Variants in PRRC2A observed in about 807,000 individuals in gnomAD.
PRRC2A encodes the protein protein PRRC2A.
In PRRC2A, 59 loss-of-function variants were observed where a neutral mutation model predicts 224.6. The ratio of observed to expected loss-of-function variants is 0.26; its 90% CI spans 0.21 to 0.33. The LOEUF (loss-of-function observed/expected upper bound fraction) is 0.33, where lower values mean the gene tolerates loss of function less well. Among genes scored for constraint, PRRC2A ranks in the 10% least tolerant of loss-of-function variants. The pLI is 1.00. For missense variants in PRRC2A, 3,095 were observed against 2,880.7 expected, an observed-to-expected ratio of 1.07 and a Z score of -1.70; for synonymous variants, 1,194 against 1,109.5, an observed-to-expected ratio of 1.08 and a Z score of -1.51.
In PRRC2A at chr6:31,627,874, C is replaced by T. The variant is rs775912318; in HGVS notation, c.1400C>T (p.Ala467Val). 1 of 1,613,070 alleles carries T rather than the reference C, an allele frequency of 6.2e-7. No homozygotes were observed. The highest frequency in any genetic ancestry group is 8.5e-7 in the Non-Finnish European group (1 of 1,180,032). The change falls in exon 12 of 31, where the codon GCC becomes GTC. Residue 467 changes from alanine to valine, a missense_variant. Ala to Val is a moderately conservative substitution (Grantham distance 64). Around this residue, in one of 8 missense-constraint regions of PRRC2A, gnomAD observed 2,001 missense variants for 1,764.9 expected, o/e 1.13. Transcript: ENST00000376033. The surrounding 1 kb of genome is among the most constrained non-coding windows in gnomAD (Gnocchi z 5.6). ...GAGATTTCCCTGGCAGTGGAGCGGGCCCGGCGACGGCGAGAAGAAGAGGAG... is the reference window on the plus strand; with the variant it reads ...GAGATTTCCCTGGCAGTGGAGCGGGTCCGGCGACGGCGAGAAGAAGAGGAG... ...SSEISLAVER[A>V]RRRREEEERR... is the part of the protein sequence containing the mutation.
In PRRC2A at chr6:31,636,537, G is replaced by A; in HGVS notation, c.5863G>A (p.Asp1955Asn). Residue 1955 changes from aspartate to asparagine, a missense_variant, in exon 27 of 31, where the codon GAT (aspartate) becomes AAT (asparagine). Around this residue, in one of 8 missense-constraint regions of PRRC2A, gnomAD observed 662 missense variants for 609.5 expected, o/e 1.09. Coordinates refer to ENST00000376033, the MANE Select transcript of PRRC2A (RefSeq NM_004638.4). This position sits in a 1 kb window ranked among gnomAD's most constrained non-coding sequence, Gnocchi z 4.3. Reference sequence around the variant, plus strand: ...ACGCCAGGATCTGCCATCCCCTTCGGATTTTTATTCTACTCCTCTGCAGCC... The same window carrying A: ...ACGCCAGGATCTGCCATCCCCTTCGAATTTTTATTCTACTCCTCTGCAGCC... ...QVRQDLPSPS[D>N]FYSTPLQPGG... 1 of 1,609,212 alleles carries A rather than the reference G, an allele frequency of 6.2e-7. No homozygotes were observed. Among genetic ancestry groups the A allele is most frequent in the Non-Finnish European group, 8.5e-7 (1 of 1,178,274 alleles).
In PRRC2A at chr6:31,636,231, C is replaced by T. The variant is rs1379067857; in HGVS notation, c.5647C>T (p.Pro1883Ser). 1 of 1,612,864 alleles carries T rather than the reference C, an allele frequency of 6.2e-7. No individual in the cohort carries two copies. Among genetic ancestry groups the T allele is most frequent in the Admixed American group, 1.7e-5 (1 of 60,018 alleles). The change falls in exon 26 of 31, where the codon CCC (proline) becomes TCC (serine). Residue 1883 changes from proline to serine, a missense_variant. Pro to Ser is a moderately conservative substitution (Grantham distance 74). Around this residue, in one of 8 missense-constraint regions of PRRC2A, gnomAD observed 662 missense variants for 609.5 expected, o/e 1.09. Transcript: ENST00000376033. This position sits in a 1 kb window ranked among gnomAD's most constrained non-coding sequence, Gnocchi z 4.3. ...PYRSQPLYLP[P>S]GPAPPSALLS... Reference sequence around the variant, plus strand: ...CAGATCACAGCCCCTATACCTACCCCCCGGCCCAGCCCCTCCCTCAGCACT... The same window carrying T: ...CAGATCACAGCCCCTATACCTACCCTCCGGCCCAGCCCCTCCCTCAGCACT...
At chr6:31,626,413 T>C (rs927400714) in intron 9 of PRRC2A, among the ~76,000 whole-genome samples, 1 of 151,590 alleles carries the variant, frequency 6.6e-6, no homozygotes, top group African/African-American at 2.4e-5. Context: ...AATTTTTTAG[T>C]TGGGTGTGGA....
intron 24 of PRRC2A, 57 bp downstream of exon 24, chr6:31,635,806 T>A (rs997904274): frequency 3.3e-6 from 5 of 1,520,820 alleles, no homozygotes; most frequent in African/African-American, 2.8e-5. Flanking sequence ...TTTTTCTGCC[T>A]GGTATGTATT....
At position 31,636,427 on chromosome 6, in the gene PRRC2A, G is replaced by T. The variant is rs771204196; in HGVS notation, c.5835+8G>T. ...GACACATCGTTGCTTCAGGTAAGAG[G>T]GGGGCAGGTATTAGATATTGGGGGA... On this transcript the variant is annotated splice_region_variant and intron_variant, in intron 26 of 30. Transcript: ENST00000376033. This position sits in a 1 kb window ranked among gnomAD's most constrained non-coding sequence, Gnocchi z 4.3. 8.7e-6 allele frequency: 14 copies of T among 1,612,736 alleles called. No homozygotes were observed. Among genetic ancestry groups the T allele is most frequent in the East Asian group, 2.2e-5 (1 of 44,894 alleles).
chr6:31,632,205 C>T lies in PRRC2A; in HGVS notation c.3532C>T (p.Pro1178Ser). Residue 1178 changes from proline (P) to serine (S), a missense_variant, in exon 16 of 31, where the codon CCT (proline) becomes TCT (serine). Around this residue, in one of 8 missense-constraint regions of PRRC2A, gnomAD observed 2,001 missense variants for 1,764.9 expected, o/e 1.13. Transcript: ENST00000376033. ...SRRGRGGGRP[P>S]PQVCPGWSPP... ...CCGGGGCCGAGGAGGAGGGAGGCCCCCTCCTCAAGTTTGCCCAGGCTGGAG... is the reference window on the plus strand; with the variant it reads ...CCGGGGCCGAGGAGGAGGGAGGCCCTCTCCTCAAGTTTGCCCAGGCTGGAG... 1 of 1,602,114 alleles carries T rather than the reference C, an allele frequency of 6.2e-7. No homozygotes were observed. The highest frequency in any genetic ancestry group is 8.5e-7 in the Non-Finnish European group (1 of 1,173,608).
intron 21 of PRRC2A, 48 bp from the exon 22 acceptor site, chr6:31,635,084 G>T (rs1777163559): frequency 6.2e-7 from 1 of 1,602,816 alleles, no homozygotes; most frequent in South Asian, 1.1e-5. Context: ...TTCCAATTTG[G>T]ATTTCCCTTT....
At chr6:31,626,650 G>T in intron 9 of PRRC2A, 122 bp from the exon 10 acceptor site, 2 of 853,244 alleles carry the variant, frequency 2.3e-6, no homozygotes, top group South Asian at 1.7e-5. Context: ...TTCATTGGTG[G>T]ATCTAGACTT....
rs746087958 is a variant in PRRC2A, at chr6:31,633,011, A to G, written c.4319+19A>G. 1.3e-6 allele frequency: 2 copies of G among 1,504,728 alleles called. No individual in the cohort carries two copies. Among genetic ancestry groups the G allele is most frequent in the Non-Finnish European group, 1.8e-6 (2 of 1,129,052 alleles). 93.2% of individuals were successfully genotyped at this position (1,504,728 alleles called of 1,614,324 possible). On this transcript the variant is annotated intron_variant, in intron 16 of 30. Transcript: ENST00000376033. ...ACCGAAGGTGGGTAGGAACAAACAA[A>G]TTTATTGTGGTTTAAAAATTGGAGG...
chr6:31,631,989 T>C lies in PRRC2A; in HGVS notation c.3316T>C (p.Ser1106Pro). The C allele has an allele frequency of 6.2e-7, 1 of 1,612,118 alleles. No homozygotes were observed. ...CCCCAAGCGGCGCCGGCAGCGGGGC[T>C]CAGAAACAGGCAGCGAGACCCATGA... ...EIPKRRRQRG[S>P]ETGSETHESD... The change falls in exon 16 of 31, where the codon TCA (serine) becomes CCA (proline). Residue 1106 changes from serine (S) to proline (P), a missense_variant. By Grantham distance (74) the Ser-to-Pro change is moderately conservative (BLOSUM62 -1). Coordinates refer to ENST00000376033, the MANE Select transcript of PRRC2A (RefSeq NM_004638.4). The surrounding 1 kb of genome is among the most constrained non-coding windows in gnomAD (Gnocchi z 4.5).
rs1355778845 is a variant in PRRC2A, at chr6:31,629,851, G to C, written c.2254+6G>C. 1.2e-5 allele frequency: 20 copies of C among 1,613,750 alleles called. No homozygotes were observed. The highest frequency in any genetic ancestry group is 1.7e-5 in the Non-Finnish European group (20 of 1,179,876). ...TCCTGGTGTGCATCCCTCTGGTAAG[G>C]GGGCATGGGAGGAGTGAGAAACAGG... On this transcript the variant is annotated splice_donor_region_variant and intron_variant, in intron 14 of 30. Coordinates refer to ENST00000376033, the MANE Select transcript of PRRC2A (RefSeq NM_004638.4).
At chr6:31,624,652 G>GTGCCTCCAT in intron 5 of PRRC2A, 130 bp downstream of exon 5, 1 of 1,022,294 alleles carries the variant, frequency 9.8e-7, no homozygotes, top group Non-Finnish European at 1.5e-6. Flanking sequence ...TCAGTTTCAT[G>GTGCCTCCAT]GAGGCACATG....
intron 3 of PRRC2A, 53 bp from the exon 4 acceptor site, chr6:31,624,208 G>A: frequency 1.7e-5 from 26 of 1,524,942 alleles, no homozygotes; most frequent in Non-Finnish European, 2.4e-5. Flanking sequence ...ACCAGTTGGA[G>A]AAGTCAGGGA....
chr6:31,625,581 C>G lies in PRRC2A; in HGVS notation c.729C>G (p.Phe243Leu). Reference protein sequence around the residue: ...GGLQPSGPPQFPPYRGMMPPF... With the variant: ...GGLQPSGPPQLPPYRGMMPPF... ...TACAGCCTTCAGGCCCACCCCAGTT[C>G]CCTCCCTACCGCGGAATGATGCCGC... Residue 243 changes from phenylalanine (F) to leucine (L), a missense_variant, in exon 7 of 31, where the codon TTC (phenylalanine) becomes TTG (leucine). By Grantham distance (22) the Phe-to-Leu change is conservative. This residue lies in a region of PRRC2A where 287 missense variants were observed against 275.3 expected (regional missense o/e 1.04). Coordinates refer to ENST00000376033, the MANE Select transcript of PRRC2A (RefSeq NM_004638.4). This position sits in a 1 kb window ranked among gnomAD's most constrained non-coding sequence, Gnocchi z 4.1. The G allele has an allele frequency of 6.4e-7, 1 of 1,569,586 alleles. No individual in the cohort carries two copies. Among genetic ancestry groups the G allele is most frequent in the Non-Finnish European group, 8.6e-7 (1 of 1,156,370 alleles).
Position 31,622,849 on chromosome 6 carries a change from C to T in PRRC2A, c.60C>T (p.Leu20=), listed in dbSNP as rs780428693. Residue 20 remains leucine (L), a synonymous_variant, in exon 2 of 31, where the codon CTC becomes CTT. Coordinates refer to ENST00000376033, the MANE Select transcript of PRRC2A (RefSeq NM_004638.4). The part of the protein sequence containing the change: ...KGKDGKKYSS[L]NLFDTYKGKS... ...AGGATGGAAAGAAGTATTCCTCGCT[C>T]AACCTGTTTGATACGTATAAGGGCA... 14 of 1,614,028 alleles carry T rather than the reference C, an allele frequency of 8.7e-6. No individual in the cohort carries two copies. In the South Asian group the frequency reaches 1.3e-4, roughly 15 times the overall value.
rs746606428 is a variant in PRRC2A, at chr6:31,631,935, C to T, written c.3262C>T (p.Arg1088Trp). ...CCGAGGCCGCACTGCCAGCGAGACA[C>T]GGAGCGAGGGTTCAGAGTATGAGGA... ...APRGRTASETRSEGSEYEEIP... is the reference protein window; with the variant it reads ...APRGRTASETWSEGSEYEEIP... The change falls in exon 16 of 31, where the codon CGG (arginine) becomes TGG (tryptophan). Residue 1088 changes from arginine to tryptophan, a missense_variant. Arg to Trp is a moderately radical substitution (Grantham distance 101, BLOSUM62 -3). Around this residue, in one of 8 missense-constraint regions of PRRC2A, gnomAD observed 2,001 missense variants for 1,764.9 expected, o/e 1.13. Transcript: ENST00000376033. This position sits in a 1 kb window ranked among gnomAD's most constrained non-coding sequence, Gnocchi z 4.5. 11 of 1,612,754 alleles carry T rather than the reference C, an allele frequency of 6.8e-6. No homozygotes were observed. The highest frequency in any genetic ancestry group is 5.3e-5 in the African/African-American group (4 of 74,898).
In PRRC2A at chr6:31,627,648, C is replaced by A; in HGVS notation, c.1291-117C>A. On this transcript the variant is annotated intron_variant, in intron 11 of 30. Coordinates refer to ENST00000376033, the MANE Select transcript of PRRC2A (RefSeq NM_004638.4). This position sits in a 1 kb window ranked among gnomAD's most constrained non-coding sequence, Gnocchi z 5.6. ...GTTTGTCACCACCCAGAGAGATCAA[C>A]CCCAAAGCCTGGGTCGTTGCATCCT... The A allele has an allele frequency of 4.5e-6, 6 of 1,324,394 alleles. No homozygotes were observed. The highest frequency in any genetic ancestry group is 6.1e-6 in the Non-Finnish European group (6 of 979,744). The allele number at this position is 1,324,394 out of a possible 1,614,324, so 82.0% of individuals were successfully genotyped here.
chr6:31,624,597 C>T, intron 5 of PRRC2A, 75 bp downstream of exon 5: 1 of 1,487,842 alleles, frequency 6.7e-7, no homozygotes, highest in Non-Finnish European at 9.3e-7. Flanking sequence ...TATTTTCAGC[C>T]AAGTGACCTT....
chr6:31,625,334 C>T lies in PRRC2A; in HGVS notation c.607+20C>T. 6.2e-7 allele frequency: 1 copy of T among 1,614,056 alleles called. No individual in the cohort carries two copies. The highest frequency in any genetic ancestry group is 8.5e-7 in the Non-Finnish European group (1 of 1,180,040). On this transcript the variant is annotated intron_variant, in intron 6 of 30. Transcript: ENST00000376033. This position sits in a 1 kb window ranked among gnomAD's most constrained non-coding sequence, Gnocchi z 4.1. Reference sequence around the variant, plus strand: ...CCCAAAGTGAGTGGCTGCCTTTTGGCCAAGACATTACCTATTGCATCTCAG... The same window carrying T: ...CCCAAAGTGAGTGGCTGCCTTTTGGTCAAGACATTACCTATTGCATCTCAG...
Sources: gnomAD v4.1 joint callset for allele counts (sites outside exome capture counted in the v4.1 genomes callset) on GRCh38, gnomAD v4.1.1 for gene constraint, gnomAD v4.1.1 regional missense constraint, Gnocchi (gnomAD v3.1) non-coding constraint, MANE v1.5 for transcripts, NCBI Gene and HGNC (gene_info 2026-07-23, HGNC 2026-07-21) for gene names.